Variants in CDH13 observed in about 807,000 individuals in gnomAD.
CDH13 encodes cadherin 13.
Under a neutral mutation model 63.8 loss-of-function variants are expected in CDH13, and 24 were observed. The ratio of observed to expected loss-of-function variants is 0.38; its 90% CI spans 0.27 to 0.53. The LOEUF (loss-of-function observed/expected upper bound fraction) is 0.53. Ranked by LOEUF, CDH13 falls within the 20% of genes least tolerant of loss-of-function variation. The pLI is 0.85. For synonymous variants in CDH13, 503 were observed against 355.3 expected, an observed-to-expected ratio of 1.42 and a Z score of -4.67; for missense variants, 1,049 against 903.1, an observed-to-expected ratio of 1.16 and a Z score of -2.07.
At chr16:83,616,515 C>T (rs969053093) in intron 8 of CDH13, among the ~76,000 whole-genome samples, 1 of 152,112 alleles carries the variant, frequency 6.6e-6, no homozygotes, top group African/African-American at 2.4e-5. Context: ...CCGAGCCACT[C>T]CATAGCACAG....
chr16:82,631,541 G>A (rs1391427348), intron 1 of CDH13, among the ~76,000 whole-genome samples: 1 of 152,204 alleles, frequency 6.6e-6, no homozygotes, highest in Non-Finnish European at 1.5e-5. Flanking sequence ...AGGTACCCAT[G>A]CACCTGTGAG....
At chr16:82,725,263 T>C (rs1053131110) in intron 1 of CDH13, among the ~76,000 whole-genome samples, 2 of 152,212 alleles carry the variant, frequency 1.3e-5, no homozygotes, top group Admixed American at 6.5e-5. Context: ...CCATACTCGT[T>C]ATTGTCTCTC....
At chr16:82,789,547 A>G (rs1343971527) in intron 1 of CDH13, among the ~76,000 whole-genome samples, 2 of 152,188 alleles carry the variant, frequency 1.3e-5, no homozygotes, top group African/African-American at 4.8e-5. Context: ...GAGCTGAGCA[A>G]GAGAAATATT....
At chr16:83,130,871 T>C (rs1228370136) in intron 4 of CDH13, among the ~76,000 whole-genome samples, 1 of 152,186 alleles carries the variant, frequency 6.6e-6, no homozygotes, top group African/African-American at 2.4e-5. Flanking sequence ...TCCTGAAGAA[T>C]GAAGACATCA....
At chr16:83,788,751 G>C (rs538165302) in intron 13 of CDH13, among the ~76,000 whole-genome samples, 1 of 152,180 alleles carries the variant, frequency 6.6e-6, no homozygotes. Flanking sequence ...TTATGTGCTC[G>C]TCTAAGGGGA....
intron 4 of CDH13, among the ~76,000 whole-genome samples, chr16:83,130,559 T>C (rs2036000513): frequency 6.6e-6 from 1 of 152,242 alleles, no homozygotes; most frequent in Non-Finnish European, 1.5e-5. Flanking sequence ...ATAAAGGAAG[T>C]ATATTAAAAT....
chr16:83,230,365 A>T (rs979838537), intron 5 of CDH13, among the ~76,000 whole-genome samples: 1 of 152,146 alleles, frequency 6.6e-6, no homozygotes, highest in Non-Finnish European at 1.5e-5. Context: ...TGCATGAAGT[A>T]TCTTTCTCTT....
At chr16:82,762,579 C>T (rs2034895210) in intron 1 of CDH13, among the ~76,000 whole-genome samples, 1 of 152,186 alleles carries the variant, frequency 6.6e-6, no homozygotes, top group South Asian at 2.1e-4. Flanking sequence ...TTGATCTGCA[C>T]TTCTCCCCAT....
At chr16:83,342,746 G>A (rs2090752950) in intron 5 of CDH13, among the ~76,000 whole-genome samples, 1 of 150,156 alleles carries the variant, frequency 6.7e-6, no homozygotes, top group Non-Finnish European at 1.5e-5. Flanking sequence ...TATCCTACTT[G>A]TAGCTTATGA....
intron 2 of CDH13, among the ~76,000 whole-genome samples, chr16:83,027,995 T>A (rs371559569): frequency 6.6e-6 from 1 of 152,166 alleles, no homozygotes; most frequent in African/African-American, 2.4e-5. Flanking sequence ...TAAATATTTA[T>A]GGTAGGAAGA....
chr16:82,884,415 C>T (rs139820640), intron 2 of CDH13: 6 of 324,768 alleles, frequency 1.8e-5, no homozygotes, highest in South Asian at 1.6e-4. Context: ...TTGTCTGTTG[C>T]AGTAGACAAA....
chr16:82,964,933 T>A lies in CDH13; in HGVS notation c.158-67077T>A, dbSNP rs548398657. Among the ~76,000 whole-genome samples, 3 of 152,276 alleles carry A rather than the reference T, an allele frequency of 2.0e-5. No homozygotes were observed. The South Asian group carries it at 6.2e-4, about 32-fold the overall frequency. On this transcript the variant is annotated intron_variant, in intron 2 of 13. Coordinates refer to ENST00000567109, the MANE Select transcript of CDH13 (RefSeq NM_001257.5). Reference sequence around the variant, plus strand: ...GGGAATGGTTGGCAGGGGCCAGAAGTCCTTCTTGATTATCCTCCAAGAATA... The same window carrying A: ...GGGAATGGTTGGCAGGGGCCAGAAGACCTTCTTGATTATCCTCCAAGAATA...
chr16:83,153,988 GT>G (rs932342656), intron 4 of CDH13, among the ~76,000 whole-genome samples: 14 of 152,282 alleles, frequency 9.2e-5, no homozygotes, highest in African/African-American at 2.9e-4. Context: ...AAACAATGCT[GT>G]TTTTCAAAAA....
At chr16:83,195,442 A>G (rs1392132528) in intron 4 of CDH13, among the ~76,000 whole-genome samples, 1 of 152,138 alleles carries the variant, frequency 6.6e-6, no homozygotes, top group East Asian at 1.9e-4. Context: ...CTAGCTTCCA[A>G]GCATGGCAGA....
chr16:82,942,286 C>T lies in CDH13; in HGVS notation c.157+83813C>T, dbSNP rs776941813. The stretch of plus-strand genomic sequence containing the variant: ...AATGTATTGAGAAGATCACCCTTTC[C>T]GTCACTGAATTGCAGCCATAAATCA... On this transcript the variant is annotated intron_variant, in intron 2 of 13. Coordinates refer to ENST00000567109, the MANE Select transcript of CDH13 (RefSeq NM_001257.5). Among the ~76,000 whole-genome samples the T allele has an allele frequency of 1.6e-4, 25 of 152,252 alleles. 1 individual carries two copies. Among genetic ancestry groups the T allele is most frequent in the South Asian group, 8.3e-4 (4 of 4,822 alleles).
At chr16:83,347,223 C>G (rs1274268296) in intron 6 of CDH13, among the ~76,000 whole-genome samples, 2 of 152,240 alleles carry the variant, frequency 1.3e-5, no homozygotes, top group African/African-American at 4.8e-5. Flanking sequence ...CAAGTAATAA[C>G]AAACCCTAAC....
At chr16:83,414,451 C>G (rs1334316921) in intron 6 of CDH13, among the ~76,000 whole-genome samples, 1 of 152,016 alleles carries the variant, frequency 6.6e-6, no homozygotes, top group Non-Finnish European at 1.5e-5. Flanking sequence ...TTACCTGAGA[C>G]CTTAATAGAT....
chr16:83,119,251 G>T (rs1266733224), intron 3 of CDH13, among the ~76,000 whole-genome samples: 2 of 152,116 alleles, frequency 1.3e-5, no homozygotes, highest in South Asian at 4.1e-4. Flanking sequence ...AGATGGTTAC[G>T]TTCCTCCCTT....
intron 7 of CDH13, among the ~76,000 whole-genome samples, chr16:83,499,028 G>GT (rs1230703157): frequency 6.6e-6 from 1 of 152,164 alleles, no homozygotes; most frequent in Non-Finnish European, 1.5e-5. Context: ...TACCCCTAGT[G>GT]TTTTTTGATG....
Sources: allele counts gnomAD v4.1 joint callset (sites outside exome capture counted in the v4.1 genomes callset), GRCh38; gene constraint gnomAD v4.1.1; transcripts MANE v1.5; gene names NCBI Gene and HGNC (gene_info 2026-07-23, HGNC 2026-07-21).